The following CCDC91 variants were observed in gnomAD, a reference collection of about 807,000 sequenced individuals.
The protein encoded by CCDC91 is coiled-coil domain-containing protein 91.
In CCDC91, 48 loss-of-function variants were observed where a neutral mutation model predicts 63.2. The ratio of observed to expected loss-of-function variants is 0.76; its 90% confidence interval spans 0.60 to 0.97. The LOEUF (loss-of-function observed/expected upper bound fraction) is 0.97, where lower values mean the gene tolerates loss of function less well. Among genes scored for constraint, CCDC91 ranks in the 50% least tolerant of loss-of-function variants. The probability of loss-of-function intolerance (pLI) is 0.00; values close to 1 mark genes in which losing one functional copy is unlikely to be tolerated. For synonymous variants in CCDC91, 167 were observed against 165.8 expected (o/e 1.01, Z -0.06); for missense variants, 500 against 494.6 (o/e 1.01, Z -0.10).
intron 12 of CCDC91, among the ~76,000 whole-genome samples, chr12:28,547,848 G>A (rs546412374): frequency 6.6e-6 from 1 of 152,220 alleles, no homozygotes; most frequent in South Asian, 2.1e-4. Context: ...GATTATGGAA[G>A]TATACTTTAA....
chr12:28,241,599 T>C (rs1428964226), intron 1 of CCDC91, among the ~76,000 whole-genome samples: 2 of 152,212 alleles, frequency 1.3e-5, no homozygotes, highest in African/African-American at 4.8e-5. Flanking sequence ...TGGGGTTTAC[T>C]ATTGCAAACA....
chr12:28,307,017 T>A, intron 5 of CCDC91, 72 bp downstream of exon 5: 1 of 1,009,500 alleles, frequency 9.9e-7, no homozygotes, highest in South Asian at 1.6e-5. Flanking sequence ...CAAACTCTGA[T>A]TAAAAACTCA....
chr12:28,483,876 C>A (rs1347394689), intron 11 of CCDC91, among the ~76,000 whole-genome samples, 176 bp from the exon 12 acceptor site: 2 of 152,120 alleles, frequency 1.3e-5, no homozygotes, highest in Non-Finnish European at 2.9e-5. Context: ...AAAGGGAGTT[C>A]TGTGAACTCT....
intron 7 of CCDC91, 22 bp from the exon 8 acceptor site, chr12:28,391,282 T>C: frequency 6.7e-7 from 1 of 1,484,056 alleles, no homozygotes. Flanking sequence ...GTGATCCAAA[T>C]GACTTTTTTG....
chr12:28,206,593 T>TA (rs1243047395), intron 1 of CCDC91, among the ~76,000 whole-genome samples: 1 of 152,184 alleles, frequency 6.6e-6, no homozygotes, highest in African/African-American at 2.4e-5. Flanking sequence ...ATGAGCTAGA[T>TA]AAAGAGTCTA....
chr12:28,256,602 C>T (rs1379786072), intron 1 of CCDC91: 1 of 152,190 alleles, frequency 6.6e-6, no homozygotes, highest in Non-Finnish European at 1.5e-5. Context: ...CATCCCTCAT[C>T]TCCCATGAAT....
chr12:28,357,768 T>C (rs113053564), intron 6 of CCDC91, among the ~76,000 whole-genome samples: 5 of 152,238 alleles, frequency 3.3e-5, no homozygotes, highest in African/African-American at 1.2e-4. Flanking sequence ...AATGAACATA[T>C]TGGAATAGTT....
chr12:28,531,619 C>T (rs1206421940), intron 12 of CCDC91, among the ~76,000 whole-genome samples: 1 of 152,094 alleles, frequency 6.6e-6, no homozygotes, highest in Non-Finnish European at 1.5e-5. Context: ...GTCATTTGCA[C>T]ACATTATTTT....
chr12:28,530,612 G>A (rs1005466737), intron 12 of CCDC91, among the ~76,000 whole-genome samples: 1 of 152,172 alleles, frequency 6.6e-6, no homozygotes, highest in Non-Finnish European at 1.5e-5. Context: ...GGATAAGGAT[G>A]TGTCAGCAGA....
chr12:28,459,211 A>G (rs1950194076), intron 11 of CCDC91, among the ~76,000 whole-genome samples: 1 of 152,054 alleles, frequency 6.6e-6, no homozygotes, highest in Admixed American at 6.6e-5. Flanking sequence ...TACCCTCCAT[A>G]AAACTTTTAT....
intron 1 of CCDC91, among the ~76,000 whole-genome samples, chr12:28,229,788 TG>T (rs1350206296): frequency 3.6e-5 from 5 of 139,780 alleles, no homozygotes; most frequent in Admixed American, 7.7e-5. Context: ...GGACATATTT[TG>T]GTTTTTTTAG....
At chr12:28,263,424 A>G (rs1373734767) in intron 3 of CCDC91, among the ~76,000 whole-genome samples, 2 of 151,926 alleles carry the variant, frequency 1.3e-5, no homozygotes, top group Non-Finnish European at 2.9e-5. Context: ...TAGATACTTT[A>G]TAAAGTAAAA....
chr12:28,406,894 A>G (rs1946988215), intron 8 of CCDC91, among the ~76,000 whole-genome samples: 1 of 150,292 alleles, frequency 6.7e-6, no homozygotes, highest in African/African-American at 2.4e-5. Context: ...TCTTTTGTAC[A>G]TGACATGGTT....
At chr12:28,532,451 A>G (rs1941817277) in intron 12 of CCDC91, among the ~76,000 whole-genome samples, 1 of 152,116 alleles carries the variant, frequency 6.6e-6, no homozygotes, top group South Asian at 2.1e-4. Context: ...TTAAATATCT[A>G]TATATATTTC....
intron 3 of CCDC91, among the ~76,000 whole-genome samples, chr12:28,280,078 G>T (rs370048198): frequency 1.3e-5 from 2 of 152,002 alleles, no homozygotes; most frequent in Non-Finnish European, 2.9e-5. Flanking sequence ...TGTCTCAAAG[G>T]CACTCTGATA....
Position 28,362,487 on chromosome 12 carries a change from C to T in CCDC91, c.626C>T (p.Ala209Val). The change falls in exon 7 of 13, where the codon GCC becomes GTC. Residue 209 changes from alanine (A) to valine (V), a missense_variant. Physicochemically the swap from Ala to Val is moderately conservative, Grantham distance 64. Transcript: ENST00000536442. ...GACATGAGGAAAGCTGGTCACGAAG[C>T]CCTCAGCATTATTGTGGATGAATAT... ...LEDMRKAGHEALSIIVDEYKA... is the reference protein window; with the variant it reads ...LEDMRKAGHEVLSIIVDEYKA... 1 of 1,598,126 alleles carries T rather than the reference C, an allele frequency of 6.3e-7. No individual in the cohort carries two copies. Among genetic ancestry groups the T allele is most frequent in the Non-Finnish European group, 8.5e-7 (1 of 1,172,108 alleles).
At chr12:28,458,807 T>TA (rs1207552907) in intron 11 of CCDC91, among the ~76,000 whole-genome samples, 1 of 152,126 alleles carries the variant, frequency 6.6e-6, no homozygotes, top group African/African-American at 2.4e-5. Flanking sequence ...TCAAACCTGT[T>TA]ATCTTTGTCT....
At chr12:28,267,123 A>G (rs1947243048) in intron 3 of CCDC91, among the ~76,000 whole-genome samples, 3 of 151,912 alleles carry the variant, frequency 2.0e-5, no homozygotes, top group Admixed American at 6.6e-5. Flanking sequence ...AAAGATATAC[A>G]GTGAAAAATT....
At chr12:28,445,938 T>TA (rs1413715901) in intron 8 of CCDC91, among the ~76,000 whole-genome samples, 1 of 151,776 alleles carries the variant, frequency 6.6e-6, no homozygotes, top group Admixed American at 6.6e-5. Flanking sequence ...GGGAGGGAGG[T>TA]AAAAAATATT....
Sources: gnomAD v4.1 joint callset for allele counts (sites outside exome capture counted in the v4.1 genomes callset) on GRCh38, gnomAD v4.1.1 for gene constraint, MANE v1.5 for transcripts, NCBI Gene and HGNC (gene_info 2026-07-23, HGNC 2026-07-21) for gene names.